Variants in ARFGEF3 observed in about 807,000 individuals in gnomAD.
ARFGEF3 encodes brefeldin A-inhibited guanine nucleotide-exchange protein 3.
ARFGEF3 carries 96 observed loss-of-function variants against 221.7 expected under a neutral mutation model. The ratio of observed to expected loss-of-function variants is 0.43; its 90% CI spans 0.37 to 0.51. ARFGEF3 has a LOEUF of 0.51. Among genes scored for constraint, ARFGEF3 ranks in the 20% least tolerant of loss-of-function variants. The pLI, the probability that ARFGEF3 is intolerant of heterozygous loss-of-function variation, is 0.00. For missense variants in ARFGEF3, 2,410 were observed against 2,789.9 expected, an observed-to-expected ratio of 0.86 and a Z score of 3.07; for synonymous variants, 1,145 against 1,126.8, an observed-to-expected ratio of 1.02 and a Z score of -0.32.
In ARFGEF3 at chr6:138,321,957, A is replaced by G. The variant is rs113380218; in HGVS notation, c.4766+732A>G. Among the ~76,000 whole-genome samples the G allele has an allele frequency of 5.0e-3, 765 of 152,300 alleles. 4 individuals are homozygous for G. Among genetic ancestry groups the G allele is most frequent in the African/African-American group, 0.014 (596 of 41,552 alleles). On this transcript the variant is annotated intron_variant, in intron 29 of 33. Transcript: ENST00000251691. ...GGCGGAAGGCAAGGAGGAGCAAGTC[A>G]CATCTTAATGGATGGTGGCAGGCAA...
chr6:138,232,734 A>G (rs1169020279), intron 5 of ARFGEF3, among the ~76,000 whole-genome samples: 2 of 152,174 alleles, frequency 1.3e-5, no homozygotes. Flanking sequence ...CTGGTTAATA[A>G]TAATAGCTAC....
chr6:138,220,694 A>C (rs531443107), intron 4 of ARFGEF3, among the ~76,000 whole-genome samples: 1 of 152,230 alleles, frequency 6.6e-6, no homozygotes, highest in East Asian at 1.9e-4. Context: ...CTTCATGTCT[A>C]ATATACTTGC....
At chr6:138,212,883 G>A (rs561279151) in intron 4 of ARFGEF3, among the ~76,000 whole-genome samples, 2 of 152,118 alleles carry the variant, frequency 1.3e-5, no homozygotes, top group Admixed American at 6.5e-5. Flanking sequence ...TTGTGGGGAG[G>A]GATAGCATTA....
At position 138,258,510 on chromosome 6, in the gene ARFGEF3, T is replaced by A. The variant is rs567004217; in HGVS notation, c.1104+2741T>A. ...TATGGCTGCTTCTTTGCTATCAAAATCCTTGTCCTTCATGGTTGGGCTTCC... is the reference window on the plus strand; with the variant it reads ...TATGGCTGCTTCTTTGCTATCAAAAACCTTGTCCTTCATGGTTGGGCTTCC... On this transcript the variant is annotated intron_variant, in intron 10 of 33. Coordinates refer to ENST00000251691, the MANE Select transcript of ARFGEF3 (RefSeq NM_020340.5). 2.3e-3 allele frequency among the ~76,000 whole-genome samples: 344 copies of A among 152,318 alleles called. 1 individual carries two copies. Among genetic ancestry groups the A allele is most frequent in the African/African-American group, 7.2e-3 (300 of 41,574 alleles).
chr6:138,319,412 G>A, intron 27 of ARFGEF3, among the ~76,000 whole-genome samples: 1 of 151,888 alleles, frequency 6.6e-6, no homozygotes, highest in Non-Finnish European at 1.5e-5. Flanking sequence ...GTGTATTTGT[G>A]TGTTTACATT....
chr6:138,279,890 C>T (rs1779165552), intron 13 of ARFGEF3, 109 bp from the exon 14 acceptor site: 1 of 1,071,018 alleles, frequency 9.3e-7, no homozygotes, highest in South Asian at 1.4e-5. Context: ...AATACACAAG[C>T]CTTGGTTTAG....
At chr6:138,282,450 T>C (rs1408151926) in intron 14 of ARFGEF3, among the ~76,000 whole-genome samples, 1 of 152,216 alleles carries the variant, frequency 6.6e-6, no homozygotes, top group Non-Finnish European at 1.5e-5. Context: ...GGGCATGTTA[T>C]GTTGCCTATG....
At chr6:138,195,170 T>C (rs1777390742) in intron 2 of ARFGEF3, among the ~76,000 whole-genome samples, 1 of 150,908 alleles carries the variant, frequency 6.6e-6, no homozygotes, top group South Asian at 2.1e-4. Context: ...ATGCAGCCAA[T>C]TTTTGTATTT....
chr6:138,212,413 G>A (rs1446401641), intron 4 of ARFGEF3, among the ~76,000 whole-genome samples: 1 of 152,226 alleles, frequency 6.6e-6, no homozygotes, highest in East Asian at 1.9e-4. Flanking sequence ...CTTTTACACT[G>A]TTGGTGGGAG....
At chr6:138,197,646 A>T (rs1241995652) in intron 2 of ARFGEF3, among the ~76,000 whole-genome samples, 1 of 152,170 alleles carries the variant, frequency 6.6e-6, no homozygotes. Context: ...ATCTTATGGG[A>T]CCACCGTGGT....
chr6:138,223,967 T>C (rs1487525743), intron 4 of ARFGEF3, among the ~76,000 whole-genome samples: 1 of 152,252 alleles, frequency 6.6e-6, no homozygotes, highest in African/African-American at 2.4e-5. Context: ...GTCCAACAAC[T>C]ACGCTGGATG....
chr6:138,206,640 GA>G (rs1354633377), intron 2 of ARFGEF3, among the ~76,000 whole-genome samples: 14 of 152,208 alleles, frequency 9.2e-5, no homozygotes, highest in Admixed American at 9.2e-4. Flanking sequence ...GGAAGAGGTA[GA>G]AGCAAGGCAT....
intron 10 of ARFGEF3, among the ~76,000 whole-genome samples, chr6:138,258,524 G>A (rs1226236494): frequency 6.6e-6 from 1 of 152,128 alleles, no homozygotes; most frequent in African/African-American, 2.4e-5. Context: ...TGTCCTTCAT[G>A]GTTGGGCTTC....
chr6:138,196,757 G>A (rs1224075037), intron 2 of ARFGEF3, among the ~76,000 whole-genome samples: 1 of 152,092 alleles, frequency 6.6e-6, no homozygotes, highest in Non-Finnish European at 1.5e-5. Flanking sequence ...GTAACACTTT[G>A]CTTAAGACAC....
At chr6:138,332,733 TG>T (rs1479550841) in intron 32 of ARFGEF3, among the ~76,000 whole-genome samples, 1 of 152,200 alleles carries the variant, frequency 6.6e-6, no homozygotes, top group East Asian at 1.9e-4. Flanking sequence ...CACTGAATTG[TG>T]TACATCAAAA....
At chr6:138,301,192 G>A (rs1234728500) in intron 22 of ARFGEF3, among the ~76,000 whole-genome samples, 1 of 152,200 alleles carries the variant, frequency 6.6e-6, no homozygotes, top group Admixed American at 6.5e-5. Context: ...CAAAAATCAA[G>A]CATAAAACAG....
intron 14 of ARFGEF3, among the ~76,000 whole-genome samples, chr6:138,280,748 G>A (rs945385393): frequency 6.6e-6 from 1 of 152,178 alleles, no homozygotes; most frequent in African/African-American, 2.4e-5. Flanking sequence ...CTACTTGGGA[G>A]GCTAAGGCAG....
chr6:138,179,588 A>G (rs962581981), intron 2 of ARFGEF3, among the ~76,000 whole-genome samples: 1 of 152,062 alleles, frequency 6.6e-6, no homozygotes, highest in African/African-American at 2.4e-5. Context: ...ATAATGACAT[A>G]TTCCTCCTCG....
chr6:138,219,746 ATAT>A (rs531373787), intron 4 of ARFGEF3, among the ~76,000 whole-genome samples: 104 of 152,210 alleles, frequency 6.8e-4, no homozygotes, highest in Admixed American at 1.8e-3. Context: ...GACTGAGTTC[ATAT>A]TATCAGGTCT....
Sources: allele counts gnomAD v4.1 joint callset (sites outside exome capture counted in the v4.1 genomes callset), GRCh38; gene constraint gnomAD v4.1.1; transcripts MANE v1.5; gene names NCBI Gene and HGNC (gene_info 2026-07-23, HGNC 2026-07-21).